Variants in RGPD3 observed in about 807,000 individuals in gnomAD.
RGPD3 encodes the protein ranBP2-like and GRIP domain-containing protein 3.
Under a neutral mutation model 154.5 loss-of-function variants are expected in RGPD3, and 62 were observed. That is an observed-to-expected ratio of 0.40 (90% CI 0.33 to 0.50). RGPD3 has a LOEUF of 0.50. Ranked by LOEUF, RGPD3 falls within the 20% of genes least tolerant of loss-of-function variation. The pLI is 0.59. For missense variants in RGPD3, 919 were observed against 1,716.8 expected (o/e 0.54, Z 8.21); for synonymous variants, 308 against 607.0 (o/e 0.51, Z 7.24).
chr2:106,450,404 G>A (rs1678076021), intron 6 of RGPD3, among the ~76,000 whole-genome samples: 1 of 147,888 alleles, frequency 6.8e-6, no homozygotes, highest in Admixed American at 6.8e-5. Context: ...CTGTGAAACT[G>A]CCTAGGGTGG....
rs1300169077 is a variant in RGPD3 at position 106,435,086 on chromosome 2, T to C, written c.1875A>G (p.Glu625=). 6.4e-6 allele frequency: 4 copies of C among 626,700 alleles called. No individual in the cohort carries two copies. The highest frequency in any genetic ancestry group is 1.1e-5 in the Non-Finnish European group (4 of 352,404). The allele number at this position is 626,700 out of a possible 1,614,324, so 38.8% of individuals were successfully genotyped here. Residue 625 remains glutamate, a synonymous_variant, in exon 13 of 23, where the codon GAA becomes GAG. Coordinates refer to ENST00000409886, the MANE Select transcript of RGPD3 (RefSeq NM_001144013.2). ...KIIKKKNSIP[E]PIDPLFKHFH... is the part of the protein sequence containing the mutation. ...AATGTTTAAACAGAGGATCAATAGG[T>C]TCAGGAATACTGTTCTTCTTTTTTA...
chr2:106,420,427 A>C (rs1004719167), intron 20 of RGPD3, among the ~76,000 whole-genome samples: 1 of 151,982 alleles, frequency 6.6e-6, no homozygotes, highest in Non-Finnish European at 1.5e-5. Context: ...AGTTTAATAA[A>C]GTAAGCCAGT....
chr2:106,451,644 T>A (rs1678128151), intron 6 of RGPD3, among the ~76,000 whole-genome samples: 1 of 151,008 alleles, frequency 6.6e-6, no homozygotes, highest in African/African-American at 2.4e-5. Flanking sequence ...TAAACTAACA[T>A]CTTTATACAA....
At chr2:106,464,897 AT>A (rs1489285606) in intron 1 of RGPD3, among the ~76,000 whole-genome samples, 1 of 147,906 alleles carries the variant, frequency 6.8e-6, no homozygotes, top group Non-Finnish European at 1.5e-5. Flanking sequence ...TCATTTTTGT[AT>A]TTTTAATAGA....
Position 106,424,406 on chromosome 2 carries a change from T to C in RGPD3, c.3561A>G (p.Arg1187=). The C allele has an allele frequency of 6.2e-7, 1 of 1,611,018 alleles. No individual in the cohort carries two copies. Among genetic ancestry groups the C allele is most frequent in the African/African-American group, 1.3e-5 (1 of 74,874 alleles). The change falls in exon 20 of 23, where the codon AGA becomes AGG. Residue 1187 remains arginine (R), a synonymous_variant. Coordinates refer to ENST00000409886, the MANE Select transcript of RGPD3 (RefSeq NM_001144013.2). The part of the protein sequence containing the change: ...QTPHKLVDTG[R]AAKLIQRAEE... ...CAGCTCTCTGTATTAACTTGGCAGC[T>C]CTGCCAGTATCTACAAGTTTATGGG...
chr2:106,446,355 CAGG>C (rs1468680462), intron 7 of RGPD3, among the ~76,000 whole-genome samples: 10 of 151,744 alleles, frequency 6.6e-5, no homozygotes, highest in African/African-American at 2.4e-4. Context: ...ATGACTAGGT[CAGG>C]AGATTGAGAC....
At chr2:106,415,430 C>G (rs1676795155) in intron 21 of RGPD3, among the ~76,000 whole-genome samples, 1 of 152,062 alleles carries the variant, frequency 6.6e-6, no homozygotes. Context: ...GTAATACCAG[C>G]ACTTTGGGAG....
In RGPD3 at chr2:106,415,802, G is replaced by T. The variant is rs6726170; in HGVS notation, c.5064+48C>A. 3,931 of 1,610,184 alleles carry T rather than the reference G, an allele frequency of 2.4e-3. 84 individuals carry two copies. In the African/African-American group the frequency reaches 0.045, roughly 18 times the overall value. On this transcript the variant is annotated intron_variant, in intron 21 of 22. Coordinates refer to ENST00000409886, the MANE Select transcript of RGPD3 (RefSeq NM_001144013.2). ...TGGGTACATGTGTATGGAGGGTCCA[G>T]AAAACCAAACTGGCAGTTTTTATGG...
intron 20 of RGPD3, 74 bp downstream of exon 20, chr2:106,422,969 C>T: frequency 6.3e-7 from 1 of 1,596,148 alleles, no homozygotes; most frequent in Non-Finnish European, 8.5e-7. Context: ...ATTAGTATCC[C>T]ACAAAGAGTC....
chr2:106,424,263 G>T lies in RGPD3; in HGVS notation c.3704C>A (p.Thr1235Lys). The change falls in exon 20 of 23, where the codon ACA becomes AAA. Residue 1235 changes from threonine (T) to lysine (K), a missense_variant. Transcript: ENST00000409886. Reference sequence around the variant, plus strand: ...AGTGTTTTCAGCATTGGGTTTTATTGTTGTGTCTGAGGCACCGGCCGCACC... The same window carrying T: ...AGTGTTTTCAGCATTGGGTTTTATTTTTGTGTCTGAGGCACCGGCCGCACC... ...GTGAAGASDT[T>K]IKPNAENTGP... 6.2e-7 allele frequency: 1 copy of T among 1,611,912 alleles called. No homozygotes were observed. The highest frequency in any genetic ancestry group is 8.5e-7 in the Non-Finnish European group (1 of 1,179,850).
chr2:106,447,867 C>T (rs1264980620), intron 6 of RGPD3, among the ~76,000 whole-genome samples: 1 of 151,766 alleles, frequency 6.6e-6, no homozygotes, highest in Non-Finnish European at 1.5e-5. Context: ...CCTCCAATCA[C>T]AGGATAAATA....
intron 22 of RGPD3, among the ~76,000 whole-genome samples, chr2:106,406,870 A>C (rs1270929257): frequency 6.6e-6 from 1 of 152,184 alleles, no homozygotes; most frequent in Non-Finnish European, 1.5e-5. Context: ...AAACTTTTAC[A>C]TGGGGAAATT....
intron 7 of RGPD3, among the ~76,000 whole-genome samples, chr2:106,441,692 TAAAAATAAAAAAAA>T: frequency 6.9e-6 from 1 of 145,086 alleles, no homozygotes; most frequent in Admixed American, 6.9e-5. Context: ...CAGTCTCTAC[TAAAAATAAAAAAAA>T]AAAACAAAGA....
intron 7 of RGPD3, among the ~76,000 whole-genome samples, chr2:106,441,815 G>A (rs1335972322): frequency 1.2e-4 from 16 of 132,766 alleles, no homozygotes; most frequent in Non-Finnish European, 1.7e-4. Flanking sequence ...AGTGCGCCGA[G>A]ACTGTGCCAT....
In RGPD3 at chr2:106,441,329, G is replaced by A; in HGVS notation, c.1030C>T (p.Leu344=). The A allele has an allele frequency of 6.4e-7, 1 of 1,568,798 alleles. No homozygotes were observed. The highest frequency in any genetic ancestry group is 8.6e-7 in the Non-Finnish European group (1 of 1,158,058). ...AGTCGGTCACAGGCCATCATTTCCA[G>A]CAGATTTTGTCCAGCTTCACCTTTT... ...LIKGEAGQNL[L]EMMACDRLSQ... The change falls in exon 8 of 23, where the codon CTG becomes TTG. Residue 344 remains leucine (L), a synonymous_variant. Transcript: ENST00000409886.
chr2:106,451,948 GTATT>G (rs1437941851), intron 6 of RGPD3, among the ~76,000 whole-genome samples: 2 of 145,278 alleles, frequency 1.4e-5, no homozygotes, highest in Non-Finnish European at 3.0e-5. Flanking sequence ...ACAAAACTGA[GTATT>G]TAACCATAAG....
intron 8 of RGPD3, 141 bp downstream of exon 8, chr2:106,441,152 C>T: frequency 2.3e-6 from 2 of 876,352 alleles, no homozygotes; most frequent in African/African-American, 1.7e-5. Flanking sequence ...CTCTTCCATA[C>T]CTATTGCTCT....
At chr2:106,465,777 G>T (rs371135762) in intron 1 of RGPD3, among the ~76,000 whole-genome samples, 16 of 151,984 alleles carry the variant, frequency 1.1e-4, no homozygotes, top group South Asian at 4.2e-4. Flanking sequence ...CGGGCAGGGA[G>T]GGGGGCGAGG....
chr2:106,445,364 TG>T (rs1437404598), intron 7 of RGPD3, among the ~76,000 whole-genome samples: 4 of 150,632 alleles, frequency 2.7e-5, no homozygotes, highest in African/African-American at 9.7e-5. Context: ...TTTTAATGTT[TG>T]TATTACCTAG....
Sources: gnomAD v4.1 joint callset for allele counts (sites outside exome capture counted in the v4.1 genomes callset) on GRCh38, gnomAD v4.1.1 for gene constraint, MANE v1.5 for transcripts, NCBI Gene and HGNC (gene_info 2026-07-23, HGNC 2026-07-21) for gene names.